The following TENT5C variants were observed in gnomAD, a reference collection of about 807,000 sequenced individuals.
TENT5C encodes terminal nucleotidyltransferase 5C.
A neutral mutation model predicts 22.2 loss-of-function variants in TENT5C; 5 were observed. That is an observed-to-expected ratio of 0.22 (90% CI 0.12 to 0.47). The LOEUF (loss-of-function observed/expected upper bound fraction) is 0.47. TENT5C is among the 20% of genes least tolerant of loss of function. TENT5C has a pLI of 0.99. For missense variants in TENT5C, 364 were observed against 500.9 expected, an observed-to-expected ratio of 0.73 and a Z score of 2.61; for synonymous variants, 199 against 195.4, an observed-to-expected ratio of 1.02 and a Z score of -0.15.
At chr1:117,611,255 G>A (rs564090509) in intron 1 of TENT5C, among the ~76,000 whole-genome samples, 40 of 152,186 alleles carry the variant, frequency 2.6e-4, no homozygotes, top group Non-Finnish European at 5.0e-4. Flanking sequence ...GAGATGACGC[G>A]TACACTCATC....
chr1:117,626,440 T>C lies in TENT5C; in HGVS notation c.*2396T>C, dbSNP rs2101082071. On this transcript the variant is annotated 3_prime_UTR_variant, in exon 2 of 2. Transcript: ENST00000369448. ...GACCTTTTTAGTCAGCTCAGATCTTTTTGTAGTTTGAGAATAGACCTATTC... is the reference window on the plus strand; with the variant it reads ...GACCTTTTTAGTCAGCTCAGATCTTCTTGTAGTTTGAGAATAGACCTATTC... 1 of 247,916 alleles carries C rather than the reference T, an allele frequency of 4.0e-6. No individual in the cohort carries two copies. Among genetic ancestry groups the C allele is most frequent in the African/African-American group, 2.2e-5 (1 of 45,440 alleles). The allele number at this position is 247,916 out of a possible 1,614,324, so 15.4% of individuals were successfully genotyped here.
At position 117,622,907 on chromosome 1, in the gene TENT5C, C is replaced by G; in HGVS notation, c.39C>G (p.Ser13=). 1 of 1,613,974 alleles carries G rather than the reference C, an allele frequency of 6.2e-7. No homozygotes were observed. The highest frequency in any genetic ancestry group is 1.7e-5 in the Admixed American group (1 of 60,018). The part of the protein sequence containing the change: ...EESSCTRDCM[S]FSVLNWDQVS... ...GCAGCTGTACCAGGGATTGCATGTC[C>G]TTCAGCGTGCTCAACTGGGATCAGG... is the stretch of plus-strand genomic sequence containing the variant. The change falls in exon 2 of 2, where the codon TCC becomes TCG. Residue 13 remains serine (S), a synonymous_variant. Coordinates refer to ENST00000369448, the MANE Select transcript of TENT5C (RefSeq NM_017709.4).
At position 117,624,163 on chromosome 1, in the gene TENT5C, G is replaced by GC. The variant is rs1553249561; in HGVS notation, c.*120dup. 31 of 714,530 alleles carry GC rather than the reference G, an allele frequency of 4.3e-5. No individual in the cohort carries two copies. In the East Asian group the frequency reaches 6.7e-4, roughly 16 times the overall value. The allele number at this position is 714,530 out of a possible 1,614,324, so 44.3% of individuals were successfully genotyped here. A position where few individuals can be genotyped will look rare whatever the true frequency, so the allele number is the denominator to read the frequency against. ...TAAAGGGGAACTCAGCTCTGATTCT[G>GC]CTTTTTTTTTTTTTTTTCCTTTGTG... On this transcript the variant is annotated 3_prime_UTR_variant, in exon 2 of 2. Transcript: ENST00000369448.
At chr1:117,608,588 C>T (rs1260485141) in intron 1 of TENT5C, among the ~76,000 whole-genome samples, 2 of 152,140 alleles carry the variant, frequency 1.3e-5, no homozygotes, top group Non-Finnish European at 2.9e-5. Flanking sequence ...GTACCATTAA[C>T]CAGACACATT....
chr1:117,608,634 T>C (rs1653598388), intron 1 of TENT5C, among the ~76,000 whole-genome samples: 2 of 152,222 alleles, frequency 1.3e-5, no homozygotes, highest in African/African-American at 4.8e-5. Context: ...TAAAAAACTT[T>C]TTTTGTTGTT....
intron 1 of TENT5C, among the ~76,000 whole-genome samples, chr1:117,620,586 C>G (rs1017326676): frequency 2.6e-5 from 4 of 152,178 alleles, no homozygotes; most frequent in Non-Finnish European, 4.4e-5. Flanking sequence ...TCCCCACCCC[C>G]CTGACCACGG....
At chr1:117,617,303 A>C (rs1475374949) in intron 1 of TENT5C, among the ~76,000 whole-genome samples, 1 of 152,114 alleles carries the variant, frequency 6.6e-6, no homozygotes, top group Non-Finnish European at 1.5e-5. Flanking sequence ...TCAGACATCA[A>C]ACTTTTTCTC....
rs1653967107 is a variant in TENT5C, at chr1:117,624,310, T to C, written c.*266T>C. On this transcript the variant is annotated 3_prime_UTR_variant, in exon 2 of 2. Transcript: ENST00000369448. ...ATCCACATCTTTCCAAGATAGACAC[T>C]AACATGTCATGTCCCAAACATTAGC... 6.5e-6 allele frequency: 3 copies of C among 460,902 alleles called. No homozygotes were observed. The East Asian group carries it at 1.0e-4, about 16-fold the overall frequency. 28.6% of individuals were successfully genotyped at this position (460,902 alleles called of 1,614,324 possible). A position where few individuals can be genotyped will look rare whatever the true frequency, so the allele number is the denominator to read the frequency against.
intron 1 of TENT5C, among the ~76,000 whole-genome samples, chr1:117,609,459 G>T (rs1653615591): frequency 1.3e-5 from 2 of 152,230 alleles, no homozygotes; most frequent in Admixed American, 1.3e-4. Context: ...TAGTGTCGGA[G>T]CTTGAGACTA....
At chr1:117,621,568 C>T (rs936406575) in intron 1 of TENT5C, among the ~76,000 whole-genome samples, 11 of 152,090 alleles carry the variant, frequency 7.2e-5, no homozygotes, top group Non-Finnish European at 1.5e-4. Flanking sequence ...GGCCAGAAAT[C>T]CATGTTGGAA....
chr1:117,608,998 A>T (rs1379864295), intron 1 of TENT5C, among the ~76,000 whole-genome samples: 1 of 152,228 alleles, frequency 6.6e-6, no homozygotes, highest in Non-Finnish European at 1.5e-5. Flanking sequence ...TTGTGTTGTC[A>T]TTGAGGTAAA....
chr1:117,620,302 G>T (rs1653864833), intron 1 of TENT5C, among the ~76,000 whole-genome samples: 1 of 152,192 alleles, frequency 6.6e-6, no homozygotes, highest in Admixed American at 6.5e-5. Context: ...GGTTCTTGCT[G>T]GAGATTTTAA....
chr1:117,625,363 C>T lies in TENT5C; in HGVS notation c.*1319C>T, dbSNP rs1653985647. 1 of 247,986 alleles carries T rather than the reference C, an allele frequency of 4.0e-6. No homozygotes were observed. The highest frequency in any genetic ancestry group is 2.2e-5 in the African/African-American group (1 of 45,340). 15.4% of individuals were successfully genotyped at this position (247,986 alleles called of 1,614,324 possible). ...GTGAATGAGAATGCTCTTCCTTATT[C>T]TGGTAGATTTGACTTGTTTATAATT... is the stretch of plus-strand genomic sequence containing the variant. On this transcript the variant is annotated 3_prime_UTR_variant, in exon 2 of 2. Coordinates refer to ENST00000369448, the MANE Select transcript of TENT5C (RefSeq NM_017709.4).
chr1:117,615,025 C>T (rs1653751686), intron 1 of TENT5C, among the ~76,000 whole-genome samples: 1 of 152,204 alleles, frequency 6.6e-6, no homozygotes, highest in African/African-American at 2.4e-5. Flanking sequence ...TACACTTAAT[C>T]ACATTCAGTT....
rs900705697 is a variant in TENT5C at position 117,624,227 on chromosome 1, C to T, written c.*183C>T. Reference sequence around the variant, plus strand: ...GGGTCTACAGTGTATCATGAGCCAACCCTCAAAGGACCCGTATTACAGTGC... The same window carrying T: ...GGGTCTACAGTGTATCATGAGCCAATCCTCAAAGGACCCGTATTACAGTGC... On this transcript the variant is annotated 3_prime_UTR_variant, in exon 2 of 2. Transcript: ENST00000369448. 1.7e-5 allele frequency: 10 copies of T among 589,812 alleles called. No individual in the cohort carries two copies. The South Asian group carries it at 1.8e-4, about 10-fold the overall frequency. 36.5% of individuals were successfully genotyped at this position (589,812 alleles called of 1,614,324 possible).
At chr1:117,622,418 C>T (rs1653913341) in intron 1 of TENT5C, among the ~76,000 whole-genome samples, 1 of 151,680 alleles carries the variant, frequency 6.6e-6, no homozygotes, top group African/African-American at 2.4e-5. Context: ...TAGACATTCT[C>T]TTTTTCACTA....
chr1:117,627,288 AC>A lies in TENT5C; in HGVS notation c.*3247del, dbSNP rs1654033174. The A allele has an allele frequency of 4.0e-6, 1 of 247,786 alleles. No individual in the cohort carries two copies. Among genetic ancestry groups the A allele is most frequent in the Non-Finnish European group, 8.5e-6 (1 of 118,060 alleles). 15.3% of individuals were successfully genotyped at this position (247,786 alleles called of 1,614,324 possible). A position where few individuals can be genotyped will look rare whatever the true frequency, so the allele number is the denominator to read the frequency against. On this transcript the variant is annotated 3_prime_UTR_variant, in exon 2 of 2. Transcript: ENST00000369448. ...ACACATTAATAATCAAATTGCTAAA[AC>A]CCTGAATCTGCTTATTCTTCAGCTT... is the stretch of plus-strand genomic sequence containing the variant.
chr1:117,610,070 C>T (rs1248275720), intron 1 of TENT5C, among the ~76,000 whole-genome samples: 2 of 152,038 alleles, frequency 1.3e-5, no homozygotes, highest in South Asian at 2.1e-4. Flanking sequence ...TCAGCCTTTT[C>T]TCTCTCTCTG....
intron 1 of TENT5C, among the ~76,000 whole-genome samples, chr1:117,609,456 G>A (rs535688976): frequency 1.6e-4 from 25 of 152,160 alleles, no homozygotes; most frequent in Non-Finnish European, 3.1e-4. Flanking sequence ...TTTTAGTGTC[G>A]GAGCTTGAGA....
Sources: gnomAD v4.1 joint callset for allele counts (sites outside exome capture counted in the v4.1 genomes callset) on GRCh38, gnomAD v4.1.1 for gene constraint, MANE v1.5 for transcripts, NCBI Gene and HGNC (gene_info 2026-07-23, HGNC 2026-07-21) for gene names.